The following CYP7B1 variants were observed in gnomAD, a reference collection of about 807,000 sequenced individuals.
The protein encoded by CYP7B1 is cytochrome P450 7B1.
Under a neutral mutation model 42.7 loss-of-function variants are expected in CYP7B1, and 29 were observed. The ratio of observed to expected loss-of-function variants is 0.68; its 90% confidence interval spans 0.51 to 0.93. CYP7B1 has a LOEUF of 0.93. Among genes scored for constraint, CYP7B1 ranks in the 40% least tolerant of loss-of-function variants. The pLI is 0.00. For missense variants in CYP7B1, 655 were observed against 600.5 expected (o/e 1.09, Z -0.95); for synonymous variants, 235 against 218.2 (o/e 1.08, Z -0.68).
chr8:64,741,024 C>G (rs564679521), intron 1 of CYP7B1, among the ~76,000 whole-genome samples: 2 of 151,938 alleles, frequency 1.3e-5, no homozygotes, highest in African/African-American at 4.8e-5. Flanking sequence ...CAGATAAAGC[C>G]ATTACAAGAG....
Position 64,594,590 on chromosome 8 carries a change from T to G in CYP7B1, c.*2052A>C, listed in dbSNP as rs1279419731. ...ATAAGTAAATAAAGCCAGAGGGACC[T>G]TATTAGAACCAATTATAATTGTGTA... On this transcript the variant is annotated 3_prime_UTR_variant, in exon 6 of 6. Coordinates refer to ENST00000310193, the MANE Select transcript of CYP7B1 (RefSeq NM_004820.5). Among the ~76,000 whole-genome samples the G allele has an allele frequency of 6.6e-6, 1 of 152,190 alleles. No individual in the cohort carries two copies. The highest frequency in any genetic ancestry group is 6.5e-5 in the Admixed American group (1 of 15,268).
chr8:64,791,869 A>G (rs1217189419), intron 1 of CYP7B1, among the ~76,000 whole-genome samples: 1 of 152,226 alleles, frequency 6.6e-6, no homozygotes, highest in Non-Finnish European at 1.5e-5. Context: ...AGAATGGTAG[A>G]AAACTATTTA....
chr8:64,663,554 A>G (rs1806231200), intron 1 of CYP7B1, among the ~76,000 whole-genome samples: 1 of 152,198 alleles, frequency 6.6e-6, no homozygotes, highest in Non-Finnish European at 1.5e-5. Flanking sequence ...CATTTTCTAA[A>G]AGATGCATAA....
At chr8:64,670,189 C>G (rs1309617218) in intron 1 of CYP7B1, among the ~76,000 whole-genome samples, 2 of 152,180 alleles carry the variant, frequency 1.3e-5, no homozygotes, top group East Asian at 3.9e-4. Flanking sequence ...CCACCCATTT[C>G]ATGTGCCTAG....
chr8:64,634,430 T>A (rs1805740426), intron 1 of CYP7B1, among the ~76,000 whole-genome samples: 1 of 150,222 alleles, frequency 6.7e-6, no homozygotes, highest in South Asian at 2.1e-4. Flanking sequence ...AAAAAAAAAA[T>A]TCGCCGGGCA....
At chr8:64,658,110 A>G (rs906965061) in intron 1 of CYP7B1, among the ~76,000 whole-genome samples, 5 of 152,152 alleles carry the variant, frequency 3.3e-5, no homozygotes, top group Non-Finnish European at 4.4e-5. Context: ...CTCTGCCTTC[A>G]TGACCTAGTC....
At chr8:64,669,328 C>CA (rs72488769) in intron 1 of CYP7B1, among the ~76,000 whole-genome samples, 11,365 of 152,054 alleles carry the variant, frequency 0.075, 490 homozygotes, top group South Asian at 0.16. Flanking sequence ...GTACGTTACA[C>CA]ATAACTCTAT....
At chr8:64,612,495 C>T (rs1805377507) in intron 4 of CYP7B1, among the ~76,000 whole-genome samples, 1 of 151,992 alleles carries the variant, frequency 6.6e-6, no homozygotes, top group African/African-American at 2.4e-5. Flanking sequence ...AAGAGAGATT[C>T]TCAAAAGCAT....
rs745970707 is a variant in CYP7B1, at chr8:64,616,138, T to C, written c.403A>G (p.Asn135Asp). 1 of 1,613,736 alleles carries C rather than the reference T, an allele frequency of 6.2e-7. No individual in the cohort carries two copies. The highest frequency in any genetic ancestry group is 1.3e-5 in the African/African-American group (1 of 75,032). ...TGATAGCAGAGGTGAAGCTCATCATTCATGTCATGATTTTTTTGCAACTGA... is the reference window on the plus strand; with the variant it reads ...TGATAGCAGAGGTGAAGCTCATCATCCATGTCATGATTTTTTTGCAACTGA... ...ISQLQKNHDM[N>D]DELHLCYQFL... The change falls in exon 3 of 6, where the codon AAT becomes GAT. Residue 135 changes from asparagine to aspartate, a missense_variant. By Grantham distance (23) the Asn-to-Asp change is conservative (BLOSUM62 1). Coordinates refer to ENST00000310193, the MANE Select transcript of CYP7B1 (RefSeq NM_004820.5).
At chr8:64,620,904 T>A (rs1312650043) in intron 2 of CYP7B1, among the ~76,000 whole-genome samples, 1 of 152,188 alleles carries the variant, frequency 6.6e-6, no homozygotes, top group Non-Finnish European at 1.5e-5. Flanking sequence ...CAGCAGAAAT[T>A]GGCTATTTTT....
chr8:64,667,671 C>T (rs940108524), intron 1 of CYP7B1, among the ~76,000 whole-genome samples: 7 of 152,058 alleles, frequency 4.6e-5, no homozygotes, highest in Non-Finnish European at 8.8e-5. Context: ...GGGTACCTTG[C>T]CATTATGGAA....
At chr8:64,667,251 G>A (rs4437694) in intron 1 of CYP7B1, among the ~76,000 whole-genome samples, 75,742 of 152,040 alleles carry the variant, frequency 0.5, 20,233 homozygotes, top group Non-Finnish European at 0.58. Flanking sequence ...TCACAAAAGG[G>A]CTTTTGAAGT....
At chr8:64,622,821 C>T (rs912048930) in intron 2 of CYP7B1, among the ~76,000 whole-genome samples, 1 of 152,134 alleles carries the variant, frequency 6.6e-6, no homozygotes, top group Non-Finnish European at 1.5e-5. Flanking sequence ...TTGGAGAAAA[C>T]ATGGTAAATC....
chr8:64,747,723 G>A (rs1302423322), intron 1 of CYP7B1, among the ~76,000 whole-genome samples: 1 of 151,772 alleles, frequency 6.6e-6, no homozygotes, highest in Non-Finnish European at 1.5e-5. Flanking sequence ...TAACTTTACC[G>A]ATACGTAAAA....
rs146097057 is a variant in CYP7B1, at chr8:64,635,229, G to A, written c.123-10690C>T. Among the ~76,000 whole-genome samples, 336 of 152,308 alleles carry A rather than the reference G, an allele frequency of 2.2e-3. 3 individuals are homozygous for A. Among genetic ancestry groups the A allele is most frequent in the Non-Finnish European group, 3.5e-3 (238 of 68,030 alleles). On this transcript the variant is annotated intron_variant, in intron 1 of 5. Coordinates refer to ENST00000310193, the MANE Select transcript of CYP7B1 (RefSeq NM_004820.5). The stretch of plus-strand genomic sequence containing the variant: ...TCAGGATGAACATTAATCCAACTCT[G>A]TCTAGAAAAATTATGCAATTCATTA...
intron 1 of CYP7B1, among the ~76,000 whole-genome samples, chr8:64,725,834 G>C (rs952223722): frequency 1.3e-5 from 2 of 152,196 alleles, no homozygotes; most frequent in Admixed American, 6.5e-5. Context: ...ATTCTGATCA[G>C]CTGCCTAGTA....
intron 4 of CYP7B1, among the ~76,000 whole-genome samples, chr8:64,609,308 C>G (rs567501644): frequency 2.0e-4 from 31 of 152,290 alleles, no homozygotes; most frequent in Admixed American, 1.6e-3. Context: ...TTAAAATCTA[C>G]TCCTGTGGCA....
chr8:64,616,978 T>C (rs1191017759), intron 2 of CYP7B1, among the ~76,000 whole-genome samples: 2 of 152,192 alleles, frequency 1.3e-5, no homozygotes, highest in Non-Finnish European at 2.9e-5. Flanking sequence ...TATTAAGATC[T>C]GGAAACTTGG....
chr8:64,611,461 T>C (rs1411364560), intron 4 of CYP7B1, among the ~76,000 whole-genome samples: 2 of 152,142 alleles, frequency 1.3e-5, no homozygotes, highest in Non-Finnish European at 1.5e-5. Context: ...ATCATTATTA[T>C]TTGTTATTAA....
Sources: gnomAD v4.1 joint callset for allele counts (sites outside exome capture counted in the v4.1 genomes callset) on GRCh38, gnomAD v4.1.1 for gene constraint, MANE v1.5 for transcripts, NCBI Gene and HGNC (gene_info 2026-07-23, HGNC 2026-07-21) for gene names.